FAM120C: variants seen among roughly 807,000 people sequenced by gnomAD.
The protein encoded by FAM120C is family with sequence similarity 120 member C, also known as constitutive coactivator of PPAR-gamma-like protein 2.
In FAM120C, 14 loss-of-function variants were observed where a neutral mutation model predicts 71.2. That is an observed-to-expected ratio of 0.20 (90% CI 0.13 to 0.31). FAM120C has a LOEUF of 0.31. Ranked by LOEUF, FAM120C falls within the 10% of genes least tolerant of loss-of-function variation. FAM120C has a pLI of 1.00. For synonymous variants in FAM120C, 354 were observed against 353.2 expected (o/e 1.00, Z -0.03); for missense variants, 500 against 879.0 (o/e 0.57, Z 5.45).
At chrX:54,107,709 C>A (rs1459373869) in intron 10 of FAM120C, among the ~76,000 whole-genome samples, 1 of 101,820 alleles carries the variant, frequency 9.8e-6, no homozygotes, top group Non-Finnish European at 2.0e-5. Context: ...TTAGTAGAGA[C>A]AGGGTTTCAC....
rs1455824444 is a variant in FAM120C at position 54,070,320 on chromosome X, A to T, written c.*2713T>A. 1 of 111,946 alleles carries T rather than the reference A, an allele frequency of 8.9e-6. No individual in the cohort carries two copies. Among genetic ancestry groups the T allele is most frequent in the Non-Finnish European group, 1.9e-5 (1 of 53,195 alleles). 9.2% of individuals were successfully genotyped at this position (111,946 alleles called of 1,213,427 possible). ...GGAAAAAGAGGTTGTGGAAGGAAGA[A>T]AAGCCGTTTGGCAAACTGGAATCAT... On this transcript the variant is annotated 3_prime_UTR_variant, in exon 16 of 16. Transcript: ENST00000375180.
At chrX:54,116,505 A>G in intron 10 of FAM120C, 40 bp downstream of exon 10, 2 of 1,167,407 alleles carry the variant, frequency 1.7e-6, no homozygotes, top group Non-Finnish European at 2.3e-6. Flanking sequence ...AAAAAAAGTA[A>G]AAGAGAAAGA....
chrX:54,094,246 T>C (rs1284053967), intron 10 of FAM120C, among the ~76,000 whole-genome samples: 1 of 108,726 alleles, frequency 9.2e-6, no homozygotes, highest in Non-Finnish European at 1.9e-5. Context: ...TATAGGTGCC[T>C]GCCACCACGC....
At chrX:54,151,005 G>A (rs1396193943) in intron 4 of FAM120C, among the ~76,000 whole-genome samples, 1 of 111,238 alleles carries the variant, frequency 9.0e-6, no homozygotes, top group East Asian at 2.8e-4. Flanking sequence ...GTGAGCCACC[G>A]TGCCCGGACT....
rs185819504 is a variant in FAM120C, at chrX:54,079,792, C to T, written c.3036+440G>A. ...AGCCTGGGCAACAAGAGCGCAACTC[C>T]GTCTCAAAAAAAAAAAAGCAGAATG... On this transcript the variant is annotated intron_variant, in intron 15 of 15. Transcript: ENST00000375180. Among the ~76,000 whole-genome samples, 6 of 108,353 alleles carry T rather than the reference C, an allele frequency of 5.5e-5. No individual in the cohort carries two copies. In the East Asian group the frequency reaches 8.7e-4, roughly 16 times the overall value. The allele number at this position is 108,353 out of a possible 115,157, so 94.1% of individuals were successfully genotyped here.
intron 5 of FAM120C, among the ~76,000 whole-genome samples, chrX:54,136,151 A>G (rs782728658): frequency 9.0e-6 from 1 of 111,185 alleles, no homozygotes; most frequent in Admixed American, 9.6e-5. Context: ...GGCGCCTGCC[A>G]CCACGCCCAG....
intron 1 of FAM120C, among the ~76,000 whole-genome samples, chrX:54,169,951 T>C (rs782355565): frequency 9.0e-6 from 1 of 111,664 alleles, no homozygotes; most frequent in Admixed American, 9.5e-5. Context: ...CCACAGTTAC[T>C]TCAAGGAAAC....
At chrX:54,135,708 G>T in intron 5 of FAM120C, 104 bp from the exon 6 acceptor site, 2 of 600,472 alleles carry the variant, frequency 3.3e-6, no homozygotes. Flanking sequence ...TAATAAATAA[G>T]TTACAATTTA....
intron 15 of FAM120C, among the ~76,000 whole-genome samples, chrX:54,077,511 C>G (rs2066741425): frequency 9.1e-6 from 1 of 110,414 alleles, no homozygotes; most frequent in Non-Finnish European, 1.9e-5. Flanking sequence ...AAAACCCCAT[C>G]TCTACAAAAA....
intron 11 of FAM120C, among the ~76,000 whole-genome samples, chrX:54,089,829 CAT>C (rs1159825137): frequency 9.1e-6 from 1 of 109,879 alleles, no homozygotes; most frequent in Non-Finnish European, 1.9e-5. Context: ...CGTGGTGGCG[CAT>C]GCCTGTAATC....
intron 10 of FAM120C, among the ~76,000 whole-genome samples, chrX:54,101,889 T>C: frequency 8.9e-6 from 1 of 111,946 alleles, no homozygotes; most frequent in Non-Finnish European, 1.9e-5. Context: ...TCTTGTGCTC[T>C]AAGCCTTCAC....
At chrX:54,159,761 CTTTTT>C in intron 1 of FAM120C, 145 bp from the exon 2 acceptor site, 10 of 348,058 alleles carry the variant, frequency 2.9e-5, no homozygotes, top group Non-Finnish European at 4.6e-5. Context: ...ACATTTTTTA[CTTTTT>C]TTTTTTTTTT....
intron 13 of FAM120C, among the ~76,000 whole-genome samples, chrX:54,083,545 G>A (rs782059263): frequency 1.8e-5 from 2 of 108,855 alleles, no homozygotes; most frequent in Admixed American, 9.9e-5. Flanking sequence ...TGAGATGAGC[G>A]AATCACTTGA....
chrX:54,115,967 G>A (rs1318218466), intron 10 of FAM120C, among the ~76,000 whole-genome samples: 2 of 110,990 alleles, frequency 1.8e-5, no homozygotes, highest in African/African-American at 3.3e-5. Context: ...TGCAATCCCA[G>A]CTACTTGGGA....
At chrX:54,138,456 T>C (rs940436604) in intron 4 of FAM120C, among the ~76,000 whole-genome samples, 18 of 91,856 alleles carry the variant, frequency 2.0e-4, no homozygotes, top group African/African-American at 7.1e-4. Flanking sequence ...GCCGAAATTG[T>C]GCCACCGCAC....
rs144746253 is a variant in FAM120C, at chrX:54,074,606, G to A, written c.3037-1319C>T. 3.3e-3 allele frequency among the ~76,000 whole-genome samples: 370 copies of A among 111,914 alleles called. 15 individuals are homozygous for A. The East Asian group carries it at 0.1, about 30-fold the overall frequency. On this transcript the variant is annotated intron_variant, in intron 15 of 15. Transcript: ENST00000375180. ...GCTAATTTTGTTTTTTAGTAGAGACGGGATTTCTCCATGTTGGTCAGGCTG... is the reference window on the plus strand; with the variant it reads ...GCTAATTTTGTTTTTTAGTAGAGACAGGATTTCTCCATGTTGGTCAGGCTG...
intron 10 of FAM120C, among the ~76,000 whole-genome samples, chrX:54,102,142 C>T (rs2066885649): frequency 9.1e-6 from 1 of 109,486 alleles, no homozygotes; most frequent in African/African-American, 3.3e-5. Flanking sequence ...TAAAGTGATC[C>T]TCCCACCTCG....
chrX:54,182,867 G>C lies in FAM120C; in HGVS notation c.332C>G (p.Pro111Arg). 8.8e-7 allele frequency: 1 copy of C among 1,136,300 alleles called. No individual in the cohort carries two copies. The highest frequency in any genetic ancestry group is 2.6e-4 in the Middle Eastern group (1 of 3,868). The allele number at this position is 1,136,300 out of a possible 1,213,427, so 93.6% of individuals were successfully genotyped here. A position where few individuals can be genotyped will look rare whatever the true frequency, so the allele number is the denominator to read the frequency against. ...CAGCACCCGGGCCCCGGGCAGCTGA[G>C]GGGGCGGCGGCGGCGGCAGCGGAGG... is the stretch of plus-strand genomic sequence containing the variant. ...LHPPLPPPPP[P>R]QLPGARVLVD... is the part of the protein sequence containing the mutation. Residue 111 changes from proline to arginine, a missense_variant, in exon 1 of 16, where the codon CCT becomes CGT. Coordinates refer to ENST00000375180, the MANE Select transcript of FAM120C (RefSeq NM_017848.6).
chrX:54,129,156 G>T (rs1442453596), intron 9 of FAM120C, among the ~76,000 whole-genome samples: 3 of 105,454 alleles, frequency 2.8e-5, no homozygotes, highest in Non-Finnish European at 5.9e-5. Context: ...CTGGCCTGGC[G>T]GGGGCTGACC....
Sources: gnomAD v4.1 joint callset for allele counts (sites outside exome capture counted in the v4.1 genomes callset) on GRCh38, gnomAD v4.1.1 for gene constraint, MANE v1.5 for transcripts, NCBI Gene and HGNC (gene_info 2026-07-23, HGNC 2026-07-21) for gene names.